EIF2B3: variants seen among roughly 807,000 people sequenced by gnomAD.
The protein encoded by EIF2B3 is translation initiation factor eIF2B subunit gamma.
In EIF2B3, 20 loss-of-function variants were observed where a neutral mutation model predicts 54.1. That is an observed-to-expected ratio of 0.37 (90% CI 0.26 to 0.54). The LOEUF is 0.54. EIF2B3 is among the 20% of genes least tolerant of loss of function. EIF2B3 has a pLI of 0.86. For synonymous variants in EIF2B3, 153 were observed against 188.1 expected, an observed-to-expected ratio of 0.81 and a Z score of 1.52; for missense variants, 448 against 547.8, an observed-to-expected ratio of 0.82 and a Z score of 1.82.
chr1:44,910,949 T>C (rs1473796678), intron 5 of EIF2B3, among the ~76,000 whole-genome samples: 1 of 152,154 alleles, frequency 6.6e-6, no homozygotes, highest in Admixed American at 6.6e-5. Flanking sequence ...ACCCATCTCC[T>C]GAGCAGTATA....
At chr1:44,938,667 T>C (rs1156438310) in intron 4 of EIF2B3, among the ~76,000 whole-genome samples, 1 of 152,032 alleles carries the variant, frequency 6.6e-6, no homozygotes, top group Non-Finnish European at 1.5e-5. Context: ...AAAAATTGTT[T>C]GTAGAGATGG....
chr1:44,958,386 G>T (rs1644249716), intron 3 of EIF2B3, among the ~76,000 whole-genome samples: 1 of 152,176 alleles, frequency 6.6e-6, no homozygotes, highest in South Asian at 2.1e-4. Context: ...ATAGAAGCTG[G>T]ATTCATGTGA....
chr1:44,888,456 A>G (rs1344482082), intron 6 of EIF2B3, among the ~76,000 whole-genome samples: 1 of 149,940 alleles, frequency 6.7e-6, no homozygotes, highest in Non-Finnish European at 1.5e-5. Context: ...CTTGCCAGTC[A>G]GACTTATGGC....
chr1:44,850,661 A>G lies in EIF2B3; in HGVS notation c.*290T>C. The G allele has an allele frequency of 2.0e-6, 1 of 490,910 alleles. No individual in the cohort carries two copies. The highest frequency in any genetic ancestry group is 3.7e-6 in the Non-Finnish European group (1 of 272,970). 30.4% of individuals were successfully genotyped at this position (490,910 alleles called of 1,614,324 possible). On this transcript the variant is annotated 3_prime_UTR_variant, in exon 12 of 12. Transcript: ENST00000360403. ...AGAAAGTAGCCTTCCTAGGAGCTTT[A>G]CATTGGACAGCTGCTGCCCCACCGA...
At chr1:44,926,264 C>A (rs1643848317) in intron 5 of EIF2B3, among the ~76,000 whole-genome samples, 1 of 151,710 alleles carries the variant, frequency 6.6e-6, no homozygotes, top group East Asian at 1.9e-4. Flanking sequence ...CAAACCAAAC[C>A]AAACCAAAAC....
intron 3 of EIF2B3, among the ~76,000 whole-genome samples, chr1:44,962,476 G>A (rs956236628): frequency 3.3e-5 from 5 of 152,070 alleles, no homozygotes; most frequent in African/African-American, 4.8e-5. Context: ...GCAGTGGCGC[G>A]ATCACAGCAC....
At chr1:44,955,604 CA>C (rs1167676315) in intron 3 of EIF2B3, among the ~76,000 whole-genome samples, 1 of 151,936 alleles carries the variant, frequency 6.6e-6, no homozygotes, top group Admixed American at 6.6e-5. Context: ...GAAAATTTTG[CA>C]ATCTATCCAT....
At chr1:44,873,401 G>A (rs60787198) in intron 10 of EIF2B3, among the ~76,000 whole-genome samples, 26,436 of 151,868 alleles carry the variant, frequency 0.17, 2,397 homozygotes, top group Non-Finnish European at 0.18. Flanking sequence ...TTATCAATTG[G>A]CTTTCTACAG....
chr1:44,867,410 G>A (rs1442443244), intron 10 of EIF2B3, among the ~76,000 whole-genome samples: 1 of 152,094 alleles, frequency 6.6e-6, no homozygotes, highest in Non-Finnish European at 1.5e-5. Context: ...CTTCTCCAAG[G>A]TGGTCCTATT....
chr1:44,950,993 T>C (rs770662854), intron 3 of EIF2B3, among the ~76,000 whole-genome samples: 8 of 152,222 alleles, frequency 5.3e-5, no homozygotes, highest in Non-Finnish European at 1.2e-4. Context: ...CTGACCAGTA[T>C]GAGTTTTTTA....
At chr1:44,965,319 A>C (rs1644325885) in intron 3 of EIF2B3, among the ~76,000 whole-genome samples, 1 of 152,218 alleles carries the variant, frequency 6.6e-6, no homozygotes. Context: ...AGTTCTATAC[A>C]TACATACAAC....
chr1:44,917,415 C>A (rs952385290), intron 5 of EIF2B3, among the ~76,000 whole-genome samples: 2 of 151,352 alleles, frequency 1.3e-5, no homozygotes, highest in African/African-American at 4.9e-5. Context: ...ATATCTTGAA[C>A]CCGGGAGGCA....
At chr1:44,912,508 C>T (rs766951758) in intron 5 of EIF2B3, among the ~76,000 whole-genome samples, 3 of 152,120 alleles carry the variant, frequency 2.0e-5, no homozygotes, top group Non-Finnish European at 2.9e-5. Context: ...ACATCTCAGC[C>T]TTATCTCCTC....
chr1:44,889,975 G>A (rs550656001), intron 6 of EIF2B3, among the ~76,000 whole-genome samples: 13 of 152,344 alleles, frequency 8.5e-5, no homozygotes, highest in Admixed American at 2.6e-4. Flanking sequence ...AGATTCCTCT[G>A]AAAATCTAAG....
intron 3 of EIF2B3, among the ~76,000 whole-genome samples, chr1:44,960,968 C>T (rs1312652701): frequency 6.6e-6 from 1 of 151,846 alleles, no homozygotes; most frequent in Admixed American, 6.6e-5. Context: ...TGTTACTGAT[C>T]TCAAGAGACT....
At chr1:44,958,538 G>A in intron 3 of EIF2B3, 1 of 1,356,154 alleles carries the variant, frequency 7.4e-7, no homozygotes, top group Admixed American at 1.8e-5. Flanking sequence ...TTAGCTTCTG[G>A]AGACCTCACT....
In EIF2B3 at chr1:44,976,339, T is replaced by G. The variant is rs183786687; in HGVS notation, c.294+1976A>C. 7.0e-4 allele frequency among the ~76,000 whole-genome samples: 106 copies of G among 152,182 alleles called. No individual in the cohort carries two copies. The Middle Eastern group carries it at 0.024, about 34-fold the overall frequency. Reference sequence around the variant, plus strand: ...CATATATAAATGGCCAATAAACACATGAAAAGGTGTTCAGCATCATTACCA... The same window carrying G: ...CATATATAAATGGCCAATAAACACAGGAAAAGGTGTTCAGCATCATTACCA... On this transcript the variant is annotated intron_variant, in intron 3 of 11. Coordinates refer to ENST00000360403, the MANE Select transcript of EIF2B3 (RefSeq NM_020365.5).
intron 6 of EIF2B3, among the ~76,000 whole-genome samples, chr1:44,885,901 ATTTTT>A (rs57544990): frequency 6.8e-5 from 9 of 133,210 alleles, no homozygotes; most frequent in African/African-American, 2.3e-4. Context: ...CGCTTGGCTA[ATTTTT>A]TTTTTTTTTT....
chr1:44,931,367 A>G (rs150290655), intron 4 of EIF2B3, among the ~76,000 whole-genome samples: 2 of 152,374 alleles, frequency 1.3e-5, no homozygotes, highest in East Asian at 3.9e-4. Flanking sequence ...TCTTGACTGC[A>G]GCCTTCTGAA....
Sources: allele counts gnomAD v4.1 joint callset (sites outside exome capture counted in the v4.1 genomes callset), GRCh38; gene constraint gnomAD v4.1.1; transcripts MANE v1.5; gene names NCBI Gene and HGNC (gene_info 2026-07-23, HGNC 2026-07-21).